PIK3C2G: variants seen among roughly 807,000 people sequenced by gnomAD.
PIK3C2G encodes phosphatidylinositol-4-phosphate 3-kinase catalytic subunit type 2 gamma, also known as phosphatidylinositol 3-kinase C2 domain-containing subunit gamma.
Under a neutral mutation model 181.1 loss-of-function variants are expected in PIK3C2G, and 168 were observed. The observed-to-expected ratio is 0.93, with a 90% CI of 0.82 to 1.05. The LOEUF is 1.05. Ranked by LOEUF, PIK3C2G falls within the 50% of genes least tolerant of loss-of-function variation. PIK3C2G has a pLI of 0.00. For missense variants in PIK3C2G, 1,869 were observed against 1,732.8 expected, an observed-to-expected ratio of 1.08 and a Z score of -1.40; for synonymous variants, 573 against 592.2, an observed-to-expected ratio of 0.97 and a Z score of 0.47.
At position 18,292,210 on chromosome 12, in the gene PIK3C2G, CAAAAA is replaced by C. The variant is rs745371375; in HGVS notation, c.919+1212_919+1216del. Among the ~76,000 whole-genome samples, 9 of 28,622 alleles carry C rather than the reference CAAAAA, an allele frequency of 3.1e-4. 1 individual carries two copies. Among genetic ancestry groups the C allele is most frequent in the South Asian group, 2.5e-3 (2 of 810 alleles). The allele number at this position is 28,622 out of a possible 152,430, so 18.8% of individuals were successfully genotyped here. Reference sequence around the variant, plus strand: ...GGGCAACAAGAGCAAAACTCCATCTCAAAAAAAAAAAAAAAAAATATATATATATA... The same window carrying C: ...GGGCAACAAGAGCAAAACTCCATCTCAAAAAAAAAAAAATATATATATATA... On this transcript the variant is annotated intron_variant, in intron 4 of 32. Transcript: ENST00000538779.
chr12:18,678,556 AAATTT>A, the PIK3C2G span, among the ~76,000 whole-genome samples: 1 of 152,038 alleles, frequency 6.6e-6, no homozygotes, highest in Non-Finnish European at 1.5e-5. Context: ...GTTACTATAG[AAATTT>A]AATTTGCATT....
At chr12:18,294,338 G>A (rs2137229774) in intron 5 of PIK3C2G, among the ~76,000 whole-genome samples, 1 of 152,162 alleles carries the variant, frequency 6.6e-6, no homozygotes, top group Non-Finnish European at 1.5e-5. Flanking sequence ...ACTAGGACAA[G>A]TTGCTCATCC....
At chr12:18,699,573 T>G in the PIK3C2G span, among the ~76,000 whole-genome samples, 1 of 152,120 alleles carries the variant, frequency 6.6e-6, no homozygotes, top group Middle Eastern at 3.4e-3. Context: ...TCGGACATTC[T>G]CAATCAAAAT....
chr12:18,315,270 G>A (rs1285818729), intron 6 of PIK3C2G, among the ~76,000 whole-genome samples: 1 of 152,006 alleles, frequency 6.6e-6, no homozygotes, highest in African/African-American at 2.4e-5. Flanking sequence ...TGGATCTTGT[G>A]CTCAACTTAG....
At chr12:18,447,882 G>C (rs1947116974) in intron 18 of PIK3C2G, among the ~76,000 whole-genome samples, 1 of 152,110 alleles carries the variant, frequency 6.6e-6, no homozygotes, top group African/African-American at 2.4e-5. Flanking sequence ...TTAACTGTTG[G>C]ATGGTATTAT....
chr12:18,426,810 G>A (rs1433133775), intron 18 of PIK3C2G, among the ~76,000 whole-genome samples: 1 of 152,176 alleles, frequency 6.6e-6, no homozygotes, highest in African/African-American at 2.4e-5. Context: ...GTCGGAGACT[G>A]TTTGATTTGA....
At chr12:18,381,426 C>T (rs549470467) in intron 13 of PIK3C2G, among the ~76,000 whole-genome samples, 2 of 152,040 alleles carry the variant, frequency 1.3e-5, no homozygotes, top group East Asian at 3.9e-4. Flanking sequence ...AGTTGTAACT[C>T]CAATAATATA....
chr12:18,250,435 A>G (rs1326055516), intron 1 of PIK3C2G, among the ~76,000 whole-genome samples: 1 of 152,116 alleles, frequency 6.6e-6, no homozygotes, highest in African/African-American at 2.4e-5. Context: ...GATTTTTCTC[A>G]TGTCCTAGTT....
downstream of PIK3C2G, among the ~76,000 whole-genome samples, chr12:18,651,732 G>C (rs1339116621): frequency 6.6e-6 from 1 of 152,080 alleles, no homozygotes; most frequent in Non-Finnish European, 1.5e-5. Context: ...ACCACCAATG[G>C]GAGCAATGCC....
intron 18 of PIK3C2G, among the ~76,000 whole-genome samples, chr12:18,449,099 G>T (rs1335932056): frequency 6.6e-6 from 1 of 151,744 alleles, no homozygotes; most frequent in Non-Finnish European, 1.5e-5. Flanking sequence ...ATTTACATTT[G>T]CACCAACAGT....
At chr12:18,263,313 A>T (rs1175248021) in intron 1 of PIK3C2G, among the ~76,000 whole-genome samples, 1 of 152,126 alleles carries the variant, frequency 6.6e-6, no homozygotes, top group Admixed American at 6.5e-5. Context: ...AACAGTCTGT[A>T]CAATACTGAC....
At chr12:18,341,974 C>A (rs1939186302) in intron 9 of PIK3C2G, among the ~76,000 whole-genome samples, 1 of 151,946 alleles carries the variant, frequency 6.6e-6, no homozygotes, top group African/African-American at 2.4e-5. Flanking sequence ...ATTCTCTGAC[C>A]CAGCACTGGA....
At chr12:18,287,186 C>A (rs1310018877) in intron 3 of PIK3C2G, among the ~76,000 whole-genome samples, 1 of 151,778 alleles carries the variant, frequency 6.6e-6, no homozygotes, top group Non-Finnish European at 1.5e-5. Context: ...TGGACATGCA[C>A]TTGTTTGTTG....
the PIK3C2G span, among the ~76,000 whole-genome samples, chr12:18,708,574 G>A: frequency 6.6e-6 from 1 of 152,066 alleles, no homozygotes; most frequent in African/African-American, 2.4e-5. Flanking sequence ...TATTTCTTTA[G>A]AAACCTCCAT....
chr12:18,406,105 C>T (rs944063232), intron 16 of PIK3C2G, among the ~76,000 whole-genome samples: 1 of 152,096 alleles, frequency 6.6e-6, no homozygotes, highest in Non-Finnish European at 1.5e-5. Flanking sequence ...TTTTCAGATT[C>T]CACATTTAAG....
At chr12:18,317,883 T>A (rs1950937691) in intron 6 of PIK3C2G, among the ~76,000 whole-genome samples, 1 of 152,252 alleles carries the variant, frequency 6.6e-6, no homozygotes, top group South Asian at 2.1e-4. Context: ...GTGGTTATTA[T>A]GAGAACTCAA....
At chr12:18,671,656 A>T in the PIK3C2G span, among the ~76,000 whole-genome samples, 7 of 152,204 alleles carry the variant, frequency 4.6e-5, no homozygotes, top group African/African-American at 7.2e-5. Context: ...TATAAAAAAA[A>T]ATTTCATTAT....
At chr12:18,256,295 C>A (rs1948145250) in intron 1 of PIK3C2G, among the ~76,000 whole-genome samples, 1 of 151,916 alleles carries the variant, frequency 6.6e-6, no homozygotes, top group African/African-American at 2.4e-5. Flanking sequence ...GATCTAGTTG[C>A]TTCCAGTCAG....
chr12:18,691,966 C>T, the PIK3C2G span, among the ~76,000 whole-genome samples: 2 of 152,142 alleles, frequency 1.3e-5, no homozygotes, highest in African/African-American at 4.8e-5. Context: ...CCATTCTCAG[C>T]TGAGATAAAG....
Sources: allele counts gnomAD v4.1 joint callset (sites outside exome capture counted in the v4.1 genomes callset), GRCh38; gene constraint gnomAD v4.1.1; transcripts MANE v1.5; gene names NCBI Gene and HGNC (gene_info 2026-07-23, HGNC 2026-07-21).